ADAMTS12: variants seen among roughly 807,000 people sequenced by gnomAD.
ADAMTS12 encodes A disintegrin and metalloproteinase with thrombospondin motifs 12.
A neutral mutation model predicts 167.8 loss-of-function variants in ADAMTS12; 118 were observed. The observed-to-expected ratio is 0.70, with a 90% CI of 0.61 to 0.82. ADAMTS12 has a LOEUF of 0.82. ADAMTS12 is among the 40% of genes least tolerant of loss of function. ADAMTS12 has a pLI of 0.00. For missense variants in ADAMTS12, 1,916 were observed against 1,998.8 expected, an observed-to-expected ratio of 0.96 and a Z score of 0.79; for synonymous variants, 704 against 716.9, an observed-to-expected ratio of 0.98 and a Z score of 0.29.
intron 2 of ADAMTS12, among the ~76,000 whole-genome samples, chr5:33,809,139 C>T (rs1747349403): frequency 6.6e-6 from 1 of 152,198 alleles, no homozygotes; most frequent in African/African-American, 2.4e-5. Flanking sequence ...TGATAGTTCA[C>T]TTCATCAGGG....
Position 33,751,567 on chromosome 5 carries a change from A to G in ADAMTS12, c.490-19T>C, listed in dbSNP as rs543129798. 5.0e-6 allele frequency: 8 copies of G among 1,611,160 alleles called. No individual in the cohort carries two copies. In the African/African-American group the frequency reaches 1.1e-4, roughly 22 times the overall value. The stretch of plus-strand genomic sequence containing the variant: ...ATCCAGTCTGTAAATACATTCAGTA[A>G]GAAAGTTTATTTTAACCAATTCTAC... On this transcript the variant is annotated intron_variant, in intron 2 of 23. Coordinates refer to ENST00000504830, the MANE Select transcript of ADAMTS12 (RefSeq NM_030955.4).
At chr5:33,787,506 G>C (rs1455235931) in intron 2 of ADAMTS12, among the ~76,000 whole-genome samples, 1 of 152,242 alleles carries the variant, frequency 6.6e-6, no homozygotes, top group Non-Finnish European at 1.5e-5. Flanking sequence ...TGTTTCTTGA[G>C]AGAAGAAGGC....
chr5:33,803,183 G>T (rs1268817178), intron 2 of ADAMTS12, among the ~76,000 whole-genome samples: 1 of 152,018 alleles, frequency 6.6e-6, no homozygotes, highest in Non-Finnish European at 1.5e-5. Flanking sequence ...CTCCAAACTC[G>T]CCCATAAAAG....
At position 33,666,980 on chromosome 5, in the gene ADAMTS12, C is replaced by T. The variant is rs143778531; in HGVS notation, c.916-4940G>A. Among the ~76,000 whole-genome samples the T allele has an allele frequency of 4.4e-4, 67 of 152,138 alleles. 1 individual carries two copies. The highest frequency in any genetic ancestry group is 3.9e-3 in the South Asian group (19 of 4,818). On this transcript the variant is annotated intron_variant, in intron 5 of 23. Coordinates refer to ENST00000504830, the MANE Select transcript of ADAMTS12 (RefSeq NM_030955.4). ...ACATACTTCATCTTATTTGATTTTG[C>T]GAACAACTATGTGAAGTATTAATAG...
chr5:33,774,690 C>A (rs747551240), intron 2 of ADAMTS12, among the ~76,000 whole-genome samples: 1 of 152,258 alleles, frequency 6.6e-6, no homozygotes, highest in Non-Finnish European at 1.5e-5. Flanking sequence ...GAAAAGATAA[C>A]CCTGAAAGTT....
At chr5:33,617,629 G>T (rs1049129895) in intron 14 of ADAMTS12, among the ~76,000 whole-genome samples, 3 of 152,092 alleles carry the variant, frequency 2.0e-5, no homozygotes, top group Non-Finnish European at 4.4e-5. Context: ...GAGGCTAATG[G>T]TTTTAAAAAA....
At chr5:33,628,598 G>T (rs549340735) in intron 13 of ADAMTS12, among the ~76,000 whole-genome samples, 1 of 152,040 alleles carries the variant, frequency 6.6e-6, no homozygotes, top group South Asian at 2.1e-4. Context: ...TATTCACAAC[G>T]AATGCAGATT....
intron 18 of ADAMTS12, among the ~76,000 whole-genome samples, chr5:33,586,100 GAC>G (rs1456869583): frequency 1.3e-5 from 2 of 152,168 alleles, no homozygotes; most frequent in African/African-American, 4.8e-5. Flanking sequence ...AGATGAAAAT[GAC>G]ACAGTGCAGA....
intron 2 of ADAMTS12, among the ~76,000 whole-genome samples, chr5:33,862,889 A>G (rs1749674015): frequency 1.3e-5 from 2 of 152,180 alleles, no homozygotes; most frequent in Non-Finnish European, 2.9e-5. Flanking sequence ...CTGGTTTAAC[A>G]TATGCAATCA....
Position 33,643,485 on chromosome 5 carries a change from G to A in ADAMTS12, c.1480-15C>T. 1 of 1,612,308 alleles carries A rather than the reference G, an allele frequency of 6.2e-7. No homozygotes were observed. The highest frequency in any genetic ancestry group is 8.5e-7 in the Non-Finnish European group (1 of 1,178,434). ...TGGCAGACGTTCTAGAAAACAAATT[G>A]CACTTCTTTTGTATTTTCAAAACCT... is the stretch of plus-strand genomic sequence containing the variant. On this transcript the variant is annotated splice_polypyrimidine_tract_variant and intron_variant, in intron 9 of 23. Transcript: ENST00000504830.
chr5:33,630,919 G>A lies in ADAMTS12; in HGVS notation c.1889-6C>T. ...GTAGAGCTCACAAGGATGTGCTGAAGGGAAAAAAGAAGGCAAAGCCTTGCA... is the reference window on the plus strand; with the variant it reads ...GTAGAGCTCACAAGGATGTGCTGAAAGGAAAAAAGAAGGCAAAGCCTTGCA... On this transcript the variant is annotated splice_region_variant and splice_polypyrimidine_tract_variant and intron_variant, in intron 12 of 23. Transcript: ENST00000504830. 5 of 1,611,142 alleles carry A rather than the reference G, an allele frequency of 3.1e-6. No homozygotes were observed. Among genetic ancestry groups the A allele is most frequent in the Non-Finnish European group, 4.2e-6 (5 of 1,178,116 alleles).
At chr5:33,835,248 T>C (rs1374017) in intron 2 of ADAMTS12, among the ~76,000 whole-genome samples, 21,882 of 152,136 alleles carry the variant, frequency 0.14, 2,887 homozygotes, top group East Asian at 0.39. Context: ...CCATGTCTGT[T>C]TTACTGTATC....
intron 23 of ADAMTS12, among the ~76,000 whole-genome samples, chr5:33,532,887 G>T (rs978542537): frequency 1.3e-5 from 2 of 152,176 alleles, no homozygotes; most frequent in African/African-American, 4.8e-5. Context: ...TATTTTCAAA[G>T]AATTTTAGAG....
intron 22 of ADAMTS12, among the ~76,000 whole-genome samples, chr5:33,538,254 G>T (rs1308489373): frequency 6.6e-6 from 1 of 152,184 alleles, no homozygotes; most frequent in Non-Finnish European, 1.5e-5. Flanking sequence ...GGGAGAGTGG[G>T]GAGTGAAATG....
intron 7 of ADAMTS12, among the ~76,000 whole-genome samples, chr5:33,654,874 T>TTGTG (rs34219097): frequency 0.39 from 54,497 of 141,308 alleles, 10,599 homozygotes; most frequent in East Asian, 0.62. Context: ...GTGGGTGATT[T>TTGTG]TGTGTGTGTG....
chr5:33,557,730 G>C (rs1252969709), intron 20 of ADAMTS12, among the ~76,000 whole-genome samples: 2 of 152,128 alleles, frequency 1.3e-5, no homozygotes, highest in Non-Finnish European at 2.9e-5. Context: ...CAATCCCCCA[G>C]TCTGTTATAT....
intron 1 of ADAMTS12, among the ~76,000 whole-genome samples, chr5:33,884,389 T>C (rs931260015): frequency 5.9e-5 from 9 of 152,208 alleles, no homozygotes; most frequent in Admixed American, 1.3e-4. Flanking sequence ...TCCCACGTCA[T>C]GAAAATCAGG....
chr5:33,626,821 CGAT>C lies in ADAMTS12; in HGVS notation c.2023-2473_2023-2471del, dbSNP rs1227406593. 2.4e-4 allele frequency among the ~76,000 whole-genome samples: 17 copies of C among 70,568 alleles called. No individual in the cohort carries two copies. In the East Asian group the frequency reaches 4.1e-3, roughly 17 times the overall value. 46.3% of individuals were successfully genotyped at this position (70,568 alleles called of 152,430 possible). ...ATGCGGTAGGGTAGTGGTGATTTGA[CGAT>C]GGTGGTGGTGGTGATGTGGTAATGG... On this transcript the variant is annotated intron_variant, in intron 13 of 23. Coordinates refer to ENST00000504830, the MANE Select transcript of ADAMTS12 (RefSeq NM_030955.4).
At chr5:33,715,209 A>G (rs1743559681) in intron 3 of ADAMTS12, among the ~76,000 whole-genome samples, 1 of 151,972 alleles carries the variant, frequency 6.6e-6, no homozygotes, top group Non-Finnish European at 1.5e-5. Flanking sequence ...CATTTCATTC[A>G]ATAGGATAAA....
Sources: allele counts gnomAD v4.1 joint callset (sites outside exome capture counted in the v4.1 genomes callset), GRCh38; gene constraint gnomAD v4.1.1; transcripts MANE v1.5; gene names NCBI Gene and HGNC (gene_info 2026-07-23, HGNC 2026-07-21).